KMT5C: variants seen among roughly 807,000 people sequenced by gnomAD.
The protein encoded by KMT5C is lysine methyltransferase 5C.
A neutral mutation model predicts 38.2 loss-of-function variants in KMT5C; 16 were observed. The observed-to-expected ratio is 0.42, with a 90% CI of 0.28 to 0.64. KMT5C has a LOEUF of 0.64. Ranked by LOEUF, KMT5C falls within the 30% of genes least tolerant of loss-of-function variation. The probability of loss-of-function intolerance (pLI) is 0.23; values close to 1 mark genes in which losing one functional copy is unlikely to be tolerated. For missense variants in KMT5C, 598 were observed against 665.1 expected (o/e 0.90, Z 1.11); for synonymous variants, 291 against 279.0 (o/e 1.04, Z -0.43).
chr19:55,344,601 TG>T, intron 6 of KMT5C: 1 of 451,766 alleles, frequency 2.2e-6, no homozygotes, highest in Non-Finnish European at 4.6e-6. Flanking sequence ...GCAGGGAGTG[TG>T]GCAGGGAGGC....
Position 55,347,229 on chromosome 19 carries a change from G to T in KMT5C, c.1169G>T (p.Trp390Leu). ...GCCCGCTGGGCCCCTCAGCAGGACT[G>T]GCACTGGGCCCGGCGCTATGGGCTG... Reference protein sequence around the residue: ...PHARWAPQQDWHWARRYGLPY... With the variant: ...PHARWAPQQDLHWARRYGLPY... Residue 390 changes from tryptophan (W) to leucine (L), a missense_variant, in exon 9 of 9, where the codon TGG (tryptophan) becomes TTG (leucine). Transcript: ENST00000255613. The surrounding 1 kb of genome is among the most constrained non-coding windows in gnomAD (Gnocchi z 4.6). 6.5e-7 allele frequency: 1 copy of T among 1,542,866 alleles called. No individual in the cohort carries two copies. The highest frequency in any genetic ancestry group is 8.7e-7 in the Non-Finnish European group (1 of 1,147,510).
In KMT5C at chr19:55,342,311, G is replaced by A. The variant is rs74481783; in HGVS notation, c.207G>A (p.Thr69=). Reference sequence around the variant, plus strand: ...TGGAGGCTGCGTACCGGGCCCTGACGCTGGGAGGCTGGACGGCCCGCTACT... The same window carrying A: ...TGGAGGCTGCGTACCGGGCCCTGACACTGGGAGGCTGGACGGCCCGCTACT... ...RDLEAAYRAL[T]LGGWTARYFQ... is the part of the protein sequence containing the mutation. The change falls in exon 3 of 9, where the codon ACG becomes ACA. Residue 69 remains threonine (T), a synonymous_variant. Transcript: ENST00000255613. The A allele has an allele frequency of 2.0e-5, 31 of 1,581,918 alleles. No individual in the cohort carries two copies. The highest frequency in any genetic ancestry group is 9.4e-5 in the African/African-American group (7 of 74,408).
At chr19:55,345,347 C>T (rs73607027) in intron 6 of KMT5C, among the ~76,000 whole-genome samples, 1 of 152,146 alleles carries the variant, frequency 6.6e-6, no homozygotes, top group African/African-American at 2.4e-5. Flanking sequence ...GAAGCTCCCC[C>T]CAGGGTGTAT....
chr19:55,340,914 C>T (rs985218513), intron 1 of KMT5C, among the ~76,000 whole-genome samples: 2 of 151,962 alleles, frequency 1.3e-5, no homozygotes, highest in African/African-American at 4.8e-5. Flanking sequence ...CCCCGCTGTC[C>T]CTGGCGTCCT....
chr19:55,341,085 G>T (rs902806120), intron 1 of KMT5C, among the ~76,000 whole-genome samples: 2 of 152,206 alleles, frequency 1.3e-5, no homozygotes, highest in African/African-American at 4.8e-5. Context: ...CTGGCCCTCC[G>T]TCCGGGTTAG....
Position 55,347,201 on chromosome 19 carries a change from C to T in KMT5C, c.1141C>T (p.His381Tyr), listed in dbSNP as rs1014826667. The T allele has an allele frequency of 1.2e-5, 19 of 1,538,710 alleles. No homozygotes were observed. Among genetic ancestry groups the T allele is most frequent in the Non-Finnish European group, 1.6e-5 (18 of 1,146,776 alleles). ...CCTGGTGGCCCTGGGCCAGCCCCCCCACGCCCGCTGGGCCCCTCAGCAGGA... is the reference window on the plus strand; with the variant it reads ...CCTGGTGGCCCTGGGCCAGCCCCCCTACGCCCGCTGGGCCCCTCAGCAGGA... The part of the protein sequence containing the change: ...EALVALGQPP[H>Y]ARWAPQQDWH... The change falls in exon 9 of 9, where the codon CAC (histidine) becomes TAC (tyrosine). Residue 381 changes from histidine to tyrosine, a missense_variant. By Grantham distance (83) the His-to-Tyr change is moderately conservative. This residue lies in a region of KMT5C where 326 missense variants were observed against 298.1 expected (regional missense o/e 1.09). Coordinates refer to ENST00000255613, the MANE Select transcript of KMT5C (RefSeq NM_032701.4). This position sits in a 1 kb window ranked among gnomAD's most constrained non-coding sequence, Gnocchi z 4.6.
Position 55,347,135 on chromosome 19 carries a change from T to G in KMT5C, c.1075T>G (p.Trp359Gly), listed in dbSNP as rs1267296976. 1 of 1,540,918 alleles carries G rather than the reference T, an allele frequency of 6.5e-7. No individual in the cohort carries two copies. The highest frequency in any genetic ancestry group is 1.9e-5 in the Admixed American group (1 of 51,520). Residue 359 changes from tryptophan (W) to glycine (G), a missense_variant, in exon 9 of 9, where the codon TGG becomes GGG. By Grantham distance (184) the Trp-to-Gly change is radical. Around this residue, in one of 3 missense-constraint regions of KMT5C, gnomAD observed 326 missense variants for 298.1 expected, o/e 1.09. Transcript: ENST00000255613. This position sits in a 1 kb window ranked among gnomAD's most constrained non-coding sequence, Gnocchi z 4.6. Reference sequence around the variant, plus strand: ...CGCTGCCCGCGTCTCCCTGCACCGATGGGGAGGCTGTGGCCCCCACTGCCG... The same window carrying G: ...CGCTGCCCGCGTCTCCCTGCACCGAGGGGGAGGCTGTGGCCCCCACTGCCG... ...HHAARVSLHR[W>G]GGCGPHCRLR... is the part of the protein sequence containing the mutation.
intron 1 of KMT5C, among the ~76,000 whole-genome samples, 174 bp downstream of exon 1, chr19:55,340,131 G>T (rs1156716193): frequency 6.6e-6 from 1 of 151,238 alleles, no homozygotes; most frequent in Non-Finnish European, 1.5e-5. Flanking sequence ...CCGCGGCACT[G>T]CAGCCTCCTT....
Position 55,343,458 on chromosome 19 carries a change from A to G in KMT5C, c.387-222A>G. The G allele has an allele frequency of 1.7e-6, 1 of 588,952 alleles. No individual in the cohort carries two copies. Among genetic ancestry groups the G allele is most frequent in the Non-Finnish European group, 3.0e-6 (1 of 330,064 alleles). 36.5% of individuals were successfully genotyped at this position (588,952 alleles called of 1,614,324 possible). A position where few individuals can be genotyped will look rare whatever the true frequency, so the allele number is the denominator to read the frequency against. On this transcript the variant is annotated intron_variant, in intron 4 of 8. Coordinates refer to ENST00000255613, the MANE Select transcript of KMT5C (RefSeq NM_032701.4). The surrounding 1 kb of genome is among the most constrained non-coding windows in gnomAD (Gnocchi z 5.5). ...ATCTGCTGTGTGCGTGCTGCCCTGA[A>G]GGCTTTCAGTAGAAGGGTCCTGTGG...
intron 1 of KMT5C, among the ~76,000 whole-genome samples, chr19:55,340,317 C>T (rs1292190533): frequency 6.6e-6 from 1 of 151,122 alleles, no homozygotes; most frequent in Non-Finnish European, 1.5e-5. Context: ...TCTCCCTGCA[C>T]CCTCAGGGCC....
At position 55,347,243 on chromosome 19, in the gene KMT5C, C is replaced by A; in HGVS notation, c.1183C>A (p.Arg395Ser). ...TCAGCAGGACTGGCACTGGGCCCGGCGCTATGGGCTGCCTTACGTGGTGCG... is the reference window on the plus strand; with the variant it reads ...TCAGCAGGACTGGCACTGGGCCCGGAGCTATGGGCTGCCTTACGTGGTGCG... ...APQQDWHWAR[R>S]YGLPYVVRVD... is the part of the protein sequence containing the mutation. The change falls in exon 9 of 9, where the codon CGC becomes AGC. Residue 395 changes from arginine (R) to serine (S), a missense_variant. Transcript: ENST00000255613. The surrounding 1 kb of genome is among the most constrained non-coding windows in gnomAD (Gnocchi z 4.6). The A allele has an allele frequency of 6.5e-7, 1 of 1,545,362 alleles. No homozygotes were observed. Among genetic ancestry groups the A allele is most frequent in the Non-Finnish European group, 8.7e-7 (1 of 1,148,184 alleles).
chr19:55,344,960 T>C, intron 6 of KMT5C: 1 of 465,194 alleles, frequency 2.1e-6, no homozygotes, highest in Non-Finnish European at 4.4e-6. Flanking sequence ...TTGGTGAGGA[T>C]CTCTGGAACT....
chr19:55,343,758 C>G lies in KMT5C; in HGVS notation c.465C>G (p.Ala155=), dbSNP rs780479027. The G allele has an allele frequency of 4.4e-6, 7 of 1,605,082 alleles. No homozygotes were observed. The highest frequency in any genetic ancestry group is 4.3e-6 in the Non-Finnish European group (5 of 1,175,778). ...LREADEGLLR[A]GENDFSIMYS... is the part of the protein sequence containing the mutation. ...AGGCAGATGAGGGGCTGCTGAGGGC[C>G]GGTGAGAATGACTTCAGCATCATGT... is the stretch of plus-strand genomic sequence containing the variant. The change falls in exon 5 of 9, where the codon GCC becomes GCG. Residue 155 remains alanine (A), a synonymous_variant. Transcript: ENST00000255613. The surrounding 1 kb of genome is among the most constrained non-coding windows in gnomAD (Gnocchi z 5.5).
rs757750608 is a variant in KMT5C at position 55,342,325 on chromosome 19, C to T, written c.221C>T (p.Thr74Met). The T allele has an allele frequency of 1.1e-5, 18 of 1,569,640 alleles. No homozygotes were observed. The highest frequency in any genetic ancestry group is 9.3e-5 in the South Asian group (8 of 85,728). The part of the protein sequence containing the change: ...AYRALTLGGW[T>M]ARYFQSRGPR... ...CGGGCCCTGACGCTGGGAGGCTGGA[C>T]GGCCCGCTACTTCCAGAGCCGGGGC... is the stretch of plus-strand genomic sequence containing the variant. The change falls in exon 3 of 9, where the codon ACG becomes ATG. Residue 74 changes from threonine (T) to methionine (M), a missense_variant. Coordinates refer to ENST00000255613, the MANE Select transcript of KMT5C (RefSeq NM_032701.4).
chr19:55,342,453 G>A, intron 3 of KMT5C, 73 bp downstream of exon 3: 8 of 1,249,526 alleles, frequency 6.4e-6, no homozygotes, highest in Non-Finnish European at 8.6e-6. Context: ...CCGCCTGGCA[G>A]ACGCTCTAGA....
At chr19:55,346,770 C>T in intron 8 of KMT5C, 83 bp downstream of exon 8, 8 of 1,259,692 alleles carry the variant, frequency 6.4e-6, no homozygotes, top group Non-Finnish European at 8.6e-6. Flanking sequence ...AGCTCTCTGC[C>T]TAGCCTGGAA....
chr19:55,346,211 A>G lies in KMT5C; in HGVS notation c.571-2A>G. On this transcript the variant is annotated splice_acceptor_variant, in intron 6 of 8. Transcript: ENST00000255613. LOFTEE classifies it high-confidence loss of function. ...AGGGCGCTGAGTGGGCTTGGCCCTC[A>G]GTTTGTGCCTGCAGATGGGAACGCA... 6.2e-7 allele frequency: 1 copy of G among 1,613,650 alleles called. No individual in the cohort carries two copies. Among genetic ancestry groups the G allele is most frequent in the Non-Finnish European group, 8.5e-7 (1 of 1,179,858 alleles).
Position 55,346,616 on chromosome 19 carries a change from G to A in KMT5C, c.824G>A (p.Gly275Asp), listed in dbSNP as rs1433669301. 2.7e-5 allele frequency: 42 copies of A among 1,572,558 alleles called. No homozygotes were observed. The highest frequency in any genetic ancestry group is 3.4e-5 in the Non-Finnish European group (40 of 1,159,876). Reference protein sequence around the residue: ...KRRLQQGLDSGSRQGLLGPRA... With the variant: ...KRRLQQGLDSDSRQGLLGPRA... ...CGGCTGCAGCAAGGCCTGGACAGTG[G>A]CAGCCGACAGGGCCTGCTGGGCCCT... The change falls in exon 8 of 9, where the codon GGC becomes GAC. Residue 275 changes from glycine to aspartate, a missense_variant. By Grantham distance (94) the Gly-to-Asp change is moderately conservative. This residue lies in a region of KMT5C where 326 missense variants were observed against 298.1 expected (regional missense o/e 1.09). Coordinates refer to ENST00000255613, the MANE Select transcript of KMT5C (RefSeq NM_032701.4).
intron 8 of KMT5C, 126 bp from the exon 9 acceptor site, chr19:55,346,830 G>A (rs2089624882): frequency 5.0e-6 from 4 of 795,060 alleles, no homozygotes; most frequent in South Asian, 1.7e-5. Context: ...TGAGCAGTTC[G>A]GCCGCATCAT....
Sources: gnomAD v4.1 joint callset for allele counts (sites outside exome capture counted in the v4.1 genomes callset) on GRCh38, gnomAD v4.1.1 for gene constraint, gnomAD v4.1.1 regional missense constraint, Gnocchi (gnomAD v3.1) non-coding constraint, MANE v1.5 for transcripts, NCBI Gene and HGNC (gene_info 2026-07-23, HGNC 2026-07-21) for gene names.